The following NETO1 variants were observed in gnomAD, a reference collection of about 807,000 sequenced individuals.
The protein encoded by NETO1 is neuropilin and tolloid like 1, also known as neuropilin and tolloid-like protein 1.
A neutral mutation model predicts 61.3 loss-of-function variants in NETO1; 26 were observed. The ratio of observed to expected loss-of-function variants is 0.42; its 90% CI spans 0.31 to 0.59. The LOEUF (loss-of-function observed/expected upper bound fraction) is 0.59. NETO1 is among the 20% of genes least tolerant of loss of function. The pLI is 0.12. For synonymous variants in NETO1, 225 were observed against 225.8 expected, an observed-to-expected ratio of 1.00 and a Z score of 0.03; for missense variants, 531 against 662.8, an observed-to-expected ratio of 0.80 and a Z score of 2.18.
downstream of NETO1, chr18:72,742,776 CAATA>C (rs981334613): frequency 2.0e-5 from 3 of 151,972 alleles, no homozygotes; most frequent in Admixed American, 1.3e-4. Context: ...CTCATCTGTA[CAATA>C]AATAACAACA....
chr18:72,831,518 A>G (rs1449712662), intron 4 of NETO1, among the ~76,000 whole-genome samples: 2 of 152,186 alleles, frequency 1.3e-5, no homozygotes, highest in East Asian at 1.9e-4. Context: ...TGCATATTCA[A>G]TGCTACCACT....
At chr18:72,861,356 ATACT>A (rs1314312338) in intron 3 of NETO1, among the ~76,000 whole-genome samples, 1 of 152,248 alleles carries the variant, frequency 6.6e-6, no homozygotes, top group Non-Finnish European at 1.5e-5. Flanking sequence ...AGTTTGCCAC[ATACT>A]TATTGTGCTA....
At chr18:72,861,179 C>A (rs1295859965) in intron 3 of NETO1, among the ~76,000 whole-genome samples, 1 of 152,192 alleles carries the variant, frequency 6.6e-6, no homozygotes, top group Non-Finnish European at 1.5e-5. Flanking sequence ...GTCAACCTCT[C>A]GATGTTCCCC....
intron 4 of NETO1, among the ~76,000 whole-genome samples, chr18:72,833,031 A>G (rs939053130): frequency 3.3e-5 from 5 of 152,206 alleles, no homozygotes; most frequent in Admixed American, 1.3e-4. Context: ...TGGGTCATCA[A>G]TTCAAGAGAT....
At chr18:72,808,580 G>C (rs2145186344) in intron 4 of NETO1, among the ~76,000 whole-genome samples, 1 of 152,186 alleles carries the variant, frequency 6.6e-6, no homozygotes, top group East Asian at 1.9e-4. Flanking sequence ...TACAAGAAAA[G>C]TTATGCTTTC....
rs2070379787 is a variant in NETO1 at position 72,743,995 on chromosome 18, G to A, written c.*4184C>T. On this transcript the variant is annotated 3_prime_UTR_variant, in exon 11 of 11. Transcript: ENST00000327305. Reference sequence around the variant, plus strand: ...ATATAAAGGAGTAGTTTAACTACATGATCATACTGTTTCAGGAATAAGGAG... The same window carrying A: ...ATATAAAGGAGTAGTTTAACTACATAATCATACTGTTTCAGGAATAAGGAG... 6.6e-6 allele frequency: 1 copy of A among 152,140 alleles called. No individual in the cohort carries two copies. Among genetic ancestry groups the A allele is most frequent in the African/African-American group, 2.4e-5 (1 of 41,442 alleles). 9.4% of individuals were successfully genotyped at this position (152,140 alleles called of 1,614,324 possible).
intron 3 of NETO1, among the ~76,000 whole-genome samples, chr18:72,862,391 A>G (rs1221086453): frequency 2.0e-5 from 3 of 152,212 alleles, no homozygotes; most frequent in Admixed American, 1.3e-4. Context: ...GCACACATCT[A>G]TCTCTCCACT....
chr18:72,808,419 TTG>T (rs368047239), intron 4 of NETO1, among the ~76,000 whole-genome samples: 4,491 of 141,888 alleles, frequency 0.032, 205 homozygotes, highest in African/African-American at 0.099. Flanking sequence ...CACTGCAGAT[TTG>T]TGTGTGTGTG....
chr18:72,827,314 G>A (rs1052299915), intron 4 of NETO1, among the ~76,000 whole-genome samples: 11 of 152,140 alleles, frequency 7.2e-5, no homozygotes, highest in Admixed American at 5.2e-4. Context: ...TGCCCCTTCC[G>A]TAGTCTCTTT....
intron 10 of NETO1, among the ~76,000 whole-genome samples, chr18:72,748,461 G>C (rs1277127435): frequency 6.6e-6 from 1 of 152,064 alleles, no homozygotes; most frequent in African/African-American, 2.4e-5. Flanking sequence ...AAATTTTATA[G>C]TATAAAATTT....
chr18:72,770,637 C>A (rs543274521), intron 7 of NETO1, among the ~76,000 whole-genome samples: 1 of 152,154 alleles, frequency 6.6e-6, no homozygotes, highest in East Asian at 1.9e-4. Flanking sequence ...CACAAGGTGG[C>A]GGCATTAAGA....
At chr18:72,771,939 ATT>A (rs2071365439) in intron 7 of NETO1, among the ~76,000 whole-genome samples, 1 of 152,092 alleles carries the variant, frequency 6.6e-6, no homozygotes, top group Non-Finnish European at 1.5e-5. Context: ...GCAGGGCTCA[ATT>A]GGGTTCTTTC....
intron 7 of NETO1, among the ~76,000 whole-genome samples, chr18:72,776,724 T>G (rs72966343): frequency 6.6e-6 from 1 of 152,104 alleles, no homozygotes; most frequent in African/African-American, 2.4e-5. Context: ...AGGTCTAAAC[T>G]CCTAACATCA....
In NETO1 at chr18:72,846,504, C is replaced by CAAAAAAAAAAAAAAA. The variant is rs35252443; in HGVS notation, c.469+12307_469+12321dup. Among the ~76,000 whole-genome samples, 83 of 13,006 alleles carry CAAAAAAAAAAAAAAA rather than the reference C, an allele frequency of 6.4e-3. 22 individuals carry two copies. The highest frequency in any genetic ancestry group is 8.5e-3 in the Non-Finnish European group (66 of 7,802). The allele number at this position is 13,006 out of a possible 152,430, so 8.5% of individuals were successfully genotyped here. ...TGGGCAATGGAGTGAGACTTCATCT[C>CAAAAAAAAAAAAAAA]AAAAAAAAAAAAAAAAAAAAAAAAA... On this transcript the variant is annotated intron_variant, in intron 4 of 10. Coordinates refer to ENST00000327305, the MANE Select transcript of NETO1 (RefSeq NM_138966.5).
intron 4 of NETO1, among the ~76,000 whole-genome samples, chr18:72,796,896 AAATC>A (rs1208711727): frequency 1.3e-5 from 2 of 152,214 alleles, no homozygotes; most frequent in Non-Finnish European, 2.9e-5. Context: ...TTCTTCATCT[AAATC>A]AATAGATATA....
chr18:72,814,266 A>G (rs979635016), intron 4 of NETO1, among the ~76,000 whole-genome samples: 4 of 152,158 alleles, frequency 2.6e-5, no homozygotes, highest in African/African-American at 9.7e-5. Flanking sequence ...AAATCATGAG[A>G]CAGTAATGTA....
intron 8 of NETO1, chr18:72,751,851 T>C (rs2070629595): frequency 6.6e-6 from 1 of 152,216 alleles, no homozygotes; most frequent in African/African-American, 2.4e-5. Flanking sequence ...ATAAAGTTAG[T>C]TTATTTGAAA....
chr18:72,813,863 T>G (rs1422559790), intron 4 of NETO1, among the ~76,000 whole-genome samples: 2 of 151,992 alleles, frequency 1.3e-5, no homozygotes, highest in Non-Finnish European at 2.9e-5. Flanking sequence ...TTTAAAGAGA[T>G]AATTATTTAG....
intron 4 of NETO1, among the ~76,000 whole-genome samples, chr18:72,796,800 GA>G (rs200002404): frequency 5.3e-5 from 8 of 149,888 alleles, no homozygotes; most frequent in Middle Eastern, 3.4e-3. Context: ...AGAAAAAAAG[GA>G]AAAAAAAACT....
Sources: allele counts gnomAD v4.1 joint callset (sites outside exome capture counted in the v4.1 genomes callset), GRCh38; gene constraint gnomAD v4.1.1; transcripts MANE v1.5; gene names NCBI Gene and HGNC (gene_info 2026-07-23, HGNC 2026-07-21).